AGPAT4: variants seen among roughly 807,000 people sequenced by gnomAD.
AGPAT4 encodes the protein 1-acyl-sn-glycerol-3-phosphate acyltransferase delta.
AGPAT4 carries 15 observed loss-of-function variants against 48.0 expected under a neutral mutation model. The observed-to-expected ratio is 0.31, with a 90% CI of 0.21 to 0.48. The LOEUF (loss-of-function observed/expected upper bound fraction) is 0.48, where lower values mean the gene tolerates loss of function less well. Among genes scored for constraint, AGPAT4 ranks in the 20% least tolerant of loss-of-function variants. The pLI is 0.99. For missense variants in AGPAT4, 314 were observed against 482.5 expected, an observed-to-expected ratio of 0.65 and a Z score of 3.27; for synonymous variants, 178 against 198.7, an observed-to-expected ratio of 0.90 and a Z score of 0.88.
chr6:161,161,576 C>T lies in AGPAT4; in HGVS notation c.348+4672G>A, dbSNP rs1041067370. On this transcript the variant is annotated intron_variant, in intron 3 of 8. Coordinates refer to ENST00000320285, the MANE Select transcript of AGPAT4 (RefSeq NM_020133.3). This position sits in a 1 kb window ranked among gnomAD's most constrained non-coding sequence, Gnocchi z 4.6. ...TGCCAGCAGTGAGCAGGGTGCAAGA[C>T]CACCCTACAGAGCTGACAAAACCAT... is the stretch of plus-strand genomic sequence containing the variant. The T allele has an allele frequency of 3.2e-5, 14 of 441,752 alleles. No homozygotes were observed. The highest frequency in any genetic ancestry group is 6.0e-5 in the Non-Finnish European group (13 of 217,852). 27.4% of individuals were successfully genotyped at this position (441,752 alleles called of 1,614,324 possible).
chr6:161,203,286 C>T (rs1781283927), intron 2 of AGPAT4, among the ~76,000 whole-genome samples: 1 of 151,598 alleles, frequency 6.6e-6, no homozygotes, highest in African/African-American at 2.4e-5. Context: ...CAGCATAATG[C>T]TTAGTATGTA....
rs994548101 is a variant in AGPAT4 at position 161,216,772 on chromosome 6, C to T, written c.178+15264G>A. Among the ~76,000 whole-genome samples the T allele has an allele frequency of 6.6e-6, 1 of 152,110 alleles. No homozygotes were observed. Among genetic ancestry groups the T allele is most frequent in the Non-Finnish European group, 1.5e-5 (1 of 68,042 alleles). ...AGCAAAAGCGGAGACCCCTGATAAACCCATCAGATCTCGTGAGACTTACTA... is the reference window on the plus strand; with the variant it reads ...AGCAAAAGCGGAGACCCCTGATAAATCCATCAGATCTCGTGAGACTTACTA... On this transcript the variant is annotated intron_variant, in intron 2 of 8. Coordinates refer to ENST00000320285, the MANE Select transcript of AGPAT4 (RefSeq NM_020133.3). The surrounding 1 kb of genome is among the most constrained non-coding windows in gnomAD (Gnocchi z 4.8).
chr6:161,198,705 A>G lies in AGPAT4; in HGVS notation c.179-32288T>C, dbSNP rs1158519761. On this transcript the variant is annotated intron_variant, in intron 2 of 8. Transcript: ENST00000320285. The surrounding 1 kb of genome is among the most constrained non-coding windows in gnomAD (Gnocchi z 4.3). ...TGTTATTAGGTTTAAATAAGCTCAC[A>G]TGTAGAAGGAACTCCGCAGAGTGCT... is the stretch of plus-strand genomic sequence containing the variant. Among the ~76,000 whole-genome samples the G allele has an allele frequency of 6.6e-6, 1 of 152,186 alleles. No individual in the cohort carries two copies. The highest frequency in any genetic ancestry group is 6.5e-5 in the Admixed American group (1 of 15,286).
rs1783465451 is a variant in AGPAT4 at position 161,272,733 on chromosome 6, A to AC, written c.-90+1204_-90+1205insG. Among the ~76,000 whole-genome samples, 2 of 116,994 alleles carry AC rather than the reference A, an allele frequency of 1.7e-5. No individual in the cohort carries two copies. The highest frequency in any genetic ancestry group is 3.3e-5 in the Non-Finnish European group (2 of 59,810). 76.8% of individuals were successfully genotyped at this position (116,994 alleles called of 152,430 possible). On this transcript the variant is annotated intron_variant, in intron 1 of 8. Coordinates refer to ENST00000320285, the MANE Select transcript of AGPAT4 (RefSeq NM_020133.3). This position sits in a 1 kb window ranked among gnomAD's most constrained non-coding sequence, Gnocchi z 4.2. ...ACACACACACACACACACACACACAAACACACACATTCTCCCTTCTCTCAA... is the reference window on the plus strand; with the variant it reads ...ACACACACACACACACACACACACAACACACACACATTCTCCCTTCTCTCAA...
At position 161,246,098 on chromosome 6, in the gene AGPAT4, GA is replaced by G. The variant is rs1437548882; in HGVS notation, c.-89-13797del. The stretch of plus-strand genomic sequence containing the variant: ...GGGCATTACAGACTGGCTATTCCTC[GA>G]AAAGTTTCATTAGCAGCAGCAGTGA... On this transcript the variant is annotated intron_variant, in intron 1 of 8. Transcript: ENST00000320285. The surrounding 1 kb of genome is among the most constrained non-coding windows in gnomAD (Gnocchi z 5.5). Among the ~76,000 whole-genome samples the G allele has an allele frequency of 1.3e-5, 2 of 152,132 alleles. No individual in the cohort carries two copies. The highest frequency in any genetic ancestry group is 4.8e-5 in the African/African-American group (2 of 41,426).
chr6:161,170,944 A>G (rs1780252455), intron 2 of AGPAT4, among the ~76,000 whole-genome samples: 1 of 152,170 alleles, frequency 6.6e-6, no homozygotes, highest in Admixed American at 6.5e-5. Context: ...CTCTTCCCAC[A>G]AGATTCTGTC....
chr6:161,205,751 A>G (rs926837252), intron 2 of AGPAT4, among the ~76,000 whole-genome samples: 4 of 112,576 alleles, frequency 3.6e-5, no homozygotes, highest in African/African-American at 7.8e-5. Flanking sequence ...AATAATAATA[A>G]TAATAATAAT....
At position 161,184,229 on chromosome 6, in the gene AGPAT4, G is replaced by A. The variant is rs1780698379; in HGVS notation, c.179-17812C>T. On this transcript the variant is annotated intron_variant, in intron 2 of 8. Transcript: ENST00000320285. This position sits in a 1 kb window ranked among gnomAD's most constrained non-coding sequence, Gnocchi z 4.8. ...TGCAGTCAGCCCAACAGGGGTGGTG[G>A]GCTCGGTGGGCATAGTGGAAATGGT... 6.7e-6 allele frequency among the ~76,000 whole-genome samples: 1 copy of A among 150,324 alleles called. No individual in the cohort carries two copies. The highest frequency in any genetic ancestry group is 6.6e-5 in the Admixed American group (1 of 15,092).
At chr6:161,173,328 T>A (rs1780333823) in intron 2 of AGPAT4, among the ~76,000 whole-genome samples, 1 of 152,226 alleles carries the variant, frequency 6.6e-6, no homozygotes, top group South Asian at 2.1e-4. Flanking sequence ...TTTTTAATGA[T>A]CGCCATTCTA....
chr6:161,242,311 C>A lies in AGPAT4; in HGVS notation c.-89-10009G>T, dbSNP rs1237950761. On this transcript the variant is annotated intron_variant, in intron 1 of 8. Transcript: ENST00000320285. This position sits in a 1 kb window ranked among gnomAD's most constrained non-coding sequence, Gnocchi z 5.0. The stretch of plus-strand genomic sequence containing the variant: ...TTAATGCTGCCTATAAGACAAGAAG[C>A]CCAACATGATAGACTTCATGAACTT... 6.6e-6 allele frequency among the ~76,000 whole-genome samples: 1 copy of A among 152,178 alleles called. No individual in the cohort carries two copies. Among genetic ancestry groups the A allele is most frequent in the Non-Finnish European group, 1.5e-5 (1 of 68,048 alleles).
At position 161,135,356 on chromosome 6, in the gene AGPAT4, C is replaced by G. The variant is rs563893292; in HGVS notation, c.*1184G>C. 2 of 152,388 alleles carry G rather than the reference C, an allele frequency of 1.3e-5. No individual in the cohort carries two copies. Among genetic ancestry groups the G allele is most frequent in the South Asian group, 4.1e-4 (2 of 4,826 alleles). 9.4% of individuals were successfully genotyped at this position (152,388 alleles called of 1,614,324 possible). A position where few individuals can be genotyped will look rare whatever the true frequency, so the allele number is the denominator to read the frequency against. On this transcript the variant is annotated 3_prime_UTR_variant, in exon 9 of 9. Coordinates refer to ENST00000320285, the MANE Select transcript of AGPAT4 (RefSeq NM_020133.3). ...GCTAGCATTTGTTCTGCAAAAATAGCACTGCTTTTAGTTTCTTCTTCTTTT... is the reference window on the plus strand; with the variant it reads ...GCTAGCATTTGTTCTGCAAAAATAGGACTGCTTTTAGTTTCTTCTTCTTTT...
chr6:161,167,215 C>T (rs1266429597), intron 2 of AGPAT4, among the ~76,000 whole-genome samples: 10 of 151,996 alleles, frequency 6.6e-5, no homozygotes, highest in African/African-American at 2.4e-4. Context: ...GAGTGCTCTG[C>T]GAGGGTTGTG....
At chr6:161,207,824 A>G (rs571756878) in intron 2 of AGPAT4, among the ~76,000 whole-genome samples, 7 of 152,018 alleles carry the variant, frequency 4.6e-5, no homozygotes, top group Middle Eastern at 3.4e-3. Context: ...GAGAAGTCCT[A>G]GGAGGAGGAG....
rs183164189 is a variant in AGPAT4 at position 161,244,016 on chromosome 6, A to G, written c.-89-11714T>C. Among the ~76,000 whole-genome samples the G allele has an allele frequency of 6.0e-4, 92 of 152,342 alleles. No individual in the cohort carries two copies. The highest frequency in any genetic ancestry group is 2.0e-3 in the Admixed American group (30 of 15,300). Reference sequence around the variant, plus strand: ...AACAAGTTAACTGTCAATTCCCTACATAAATCTCATTGAAGAAATGAGTTG... The same window carrying G: ...AACAAGTTAACTGTCAATTCCCTACGTAAATCTCATTGAAGAAATGAGTTG... On this transcript the variant is annotated intron_variant, in intron 1 of 8. Transcript: ENST00000320285. The surrounding 1 kb of genome is among the most constrained non-coding windows in gnomAD (Gnocchi z 4.7).
intron 3 of AGPAT4, among the ~76,000 whole-genome samples, chr6:161,163,881 TG>T (rs1242132442): frequency 2.0e-5 from 3 of 152,162 alleles, no homozygotes; most frequent in Admixed American, 6.5e-5. Context: ...CTATTTCACC[TG>T]TAAGTGGAGC....
At position 161,262,558 on chromosome 6, in the gene AGPAT4, T is replaced by A. The variant is rs1783133578; in HGVS notation, c.-90+11380A>T. Among the ~76,000 whole-genome samples the A allele has an allele frequency of 6.6e-6, 1 of 152,002 alleles. No individual in the cohort carries two copies. Among genetic ancestry groups the A allele is most frequent in the Non-Finnish European group, 1.5e-5 (1 of 68,010 alleles). The stretch of plus-strand genomic sequence containing the variant: ...CCTGGGCAAAGTCCCCAGCCTAGAG[T>A]TCCTCCTTCCACATCTTATTGTAAA... On this transcript the variant is annotated intron_variant, in intron 1 of 8. Transcript: ENST00000320285. This position sits in a 1 kb window ranked among gnomAD's most constrained non-coding sequence, Gnocchi z 4.9.
intron 1 of AGPAT4, among the ~76,000 whole-genome samples, chr6:161,269,985 T>A (rs1210666789): frequency 6.6e-6 from 1 of 151,918 alleles, no homozygotes; most frequent in East Asian, 1.9e-4. Flanking sequence ...GGAGCAAGAG[T>A]GTGCCAAGGA....
In AGPAT4 at chr6:161,136,139, C is replaced by T. The variant is rs531244392; in HGVS notation, c.*401G>A. ...TAATTTAGTCATCTCACCTAAAGCA[C>T]TTTTCACTTTATCTCTGGCAACCAA... is the stretch of plus-strand genomic sequence containing the variant. On this transcript the variant is annotated 3_prime_UTR_variant, in exon 9 of 9. Coordinates refer to ENST00000320285, the MANE Select transcript of AGPAT4 (RefSeq NM_020133.3). 5.7e-4 allele frequency: 111 copies of T among 195,468 alleles called. No individual in the cohort carries two copies. Among genetic ancestry groups the T allele is most frequent in the Non-Finnish European group, 7.6e-4 (72 of 95,274 alleles). 12.1% of individuals were successfully genotyped at this position (195,468 alleles called of 1,614,324 possible).
At position 161,218,190 on chromosome 6, in the gene AGPAT4, C is replaced by T. The variant is rs927470058; in HGVS notation, c.178+13846G>A. On this transcript the variant is annotated intron_variant, in intron 2 of 8. Transcript: ENST00000320285. The surrounding 1 kb of genome is among the most constrained non-coding windows in gnomAD (Gnocchi z 4.7). ...GTCCACAGTGACGGTGCCAATGGTG[C>T]TGTGCTGGAAAATGGTTAACAACCA... Among the ~76,000 whole-genome samples, 2 of 152,162 alleles carry T rather than the reference C, an allele frequency of 1.3e-5. No individual in the cohort carries two copies. The highest frequency in any genetic ancestry group is 2.9e-5 in the Non-Finnish European group (2 of 68,032).
Sources: gnomAD v4.1 joint callset for allele counts (sites outside exome capture counted in the v4.1 genomes callset) on GRCh38, gnomAD v4.1.1 for gene constraint, Gnocchi (gnomAD v3.1) non-coding constraint, MANE v1.5 for transcripts, NCBI Gene and HGNC (gene_info 2026-07-23, HGNC 2026-07-21) for gene names.